FAM161B: variants seen among roughly 807,000 people sequenced by gnomAD.
The protein encoded by FAM161B is protein FAM161B.
In FAM161B, 46 loss-of-function variants were observed where a neutral mutation model predicts 61.5. The observed-to-expected ratio is 0.75, with a 90% CI of 0.59 to 0.96. FAM161B has a LOEUF of 0.96. Ranked by LOEUF, FAM161B falls within the 40% of genes least tolerant of loss-of-function variation. The pLI is 0.00. For synonymous variants in FAM161B, 284 were observed against 302.7 expected (o/e 0.94, Z 0.64); for missense variants, 774 against 800.7 (o/e 0.97, Z 0.40).
intron 3 of FAM161B, among the ~76,000 whole-genome samples, chr14:73,942,957 T>C (rs1195049137): frequency 6.6e-6 from 1 of 151,954 alleles, no homozygotes; most frequent in Non-Finnish European, 1.5e-5. Flanking sequence ...CTGGAGAGCT[T>C]GTTAATAAAT....
At chr14:73,928,547 C>T (rs2055867377), downstream of FAM161B, among the ~76,000 whole-genome samples, 2 of 152,064 alleles carry the variant, frequency 1.3e-5, no homozygotes, top group African/African-American at 4.8e-5. Context: ...ACATTTGTTC[C>T]CTAGAACCTA....
chr14:73,937,012 C>T (rs1185529949), intron 7 of FAM161B, among the ~76,000 whole-genome samples: 6 of 152,104 alleles, frequency 3.9e-5, no homozygotes, highest in African/African-American at 7.2e-5. Flanking sequence ...CAGGATACTT[C>T]GGGTACACTG....
At chr14:73,930,231 C>G (rs1252049616), downstream of FAM161B, among the ~76,000 whole-genome samples, 1 of 152,190 alleles carries the variant, frequency 6.6e-6, no homozygotes, top group Non-Finnish European at 1.5e-5. Context: ...ACTTTCCTGC[C>G]ACACAGCATC....
the FAM161B span, chr14:73,924,849 T>G: frequency 3.0e-6 from 1 of 332,112 alleles, no homozygotes; most frequent in South Asian, 2.2e-5. Flanking sequence ...GCTAATTTTT[T>G]TGTATTTTTA....
chr14:73,931,503 T>C (rs1293772409), downstream of FAM161B: 4 of 1,606,602 alleles, frequency 2.5e-6, no homozygotes, highest in Non-Finnish European at 2.5e-6. Flanking sequence ...TCTTTTACAG[T>C]TACTAAACCA....
the FAM161B span, chr14:73,923,439 G>T: frequency 6.2e-7 from 1 of 1,614,060 alleles, no homozygotes; most frequent in Non-Finnish European, 8.5e-7. Flanking sequence ...TTCAGTGCCT[G>T]ATGTGACACA....
chr14:73,923,943 T>C, the FAM161B span, among the ~76,000 whole-genome samples: 4 of 152,170 alleles, frequency 2.6e-5, no homozygotes, highest in Non-Finnish European at 5.9e-5. Context: ...AGCAAGTATT[T>C]CCTAGAGATC....
chr14:73,925,192 G>C, the FAM161B span, among the ~76,000 whole-genome samples: 1 of 152,088 alleles, frequency 6.6e-6, no homozygotes, highest in African/African-American at 2.4e-5. Context: ...TTTTGATCTT[G>C]ATATCATTGG....
the FAM161B span, chr14:73,923,328 T>G: frequency 6.5e-7 from 1 of 1,539,526 alleles, no homozygotes; most frequent in Non-Finnish European, 8.8e-7. Context: ...AATGAGAGGC[T>G]TAATGATCCA....
Position 73,946,615 on chromosome 14 carries a change from A to T in FAM161B, c.55-10T>A. On this transcript the variant is annotated splice_polypyrimidine_tract_variant and intron_variant, in intron 1 of 8. Coordinates refer to ENST00000286544, the MANE Select transcript of FAM161B (RefSeq NM_152445.3). Reference sequence around the variant, plus strand: ...ACTCGGGGGGAAATATCTAAAATAGAATAGAAATAGGCTGTGGGTCAAACA... The same window carrying T: ...ACTCGGGGGGAAATATCTAAAATAGTATAGAAATAGGCTGTGGGTCAAACA... 7.5e-6 allele frequency: 12 copies of T among 1,609,088 alleles called. No individual in the cohort carries two copies. The highest frequency in any genetic ancestry group is 1.0e-5 in the Non-Finnish European group (12 of 1,176,554).
downstream of FAM161B, chr14:73,927,832 ATT>A (rs11461357): frequency 5.2e-4 from 74 of 143,430 alleles, no homozygotes; most frequent in South Asian, 1.4e-3. Flanking sequence ...TCAACCGGCA[ATT>A]TTTTTTTTTT....
chr14:73,927,103 T>TTTTA, downstream of FAM161B: 1 of 164,806 alleles, frequency 6.1e-6, no homozygotes, highest in Non-Finnish European at 1.3e-5. Flanking sequence ...TTTTTTTTTT[T>TTTTA]GAGGTGGAGT....
chr14:73,942,348 C>T, intron 4 of FAM161B, 21 bp downstream of exon 4: 1 of 1,609,182 alleles, frequency 6.2e-7, no homozygotes, highest in East Asian at 2.2e-5. Context: ...CTGACCCTCC[C>T]ACAGCTGCCT....
the FAM161B span, chr14:73,922,919 C>A: frequency 6.6e-6 from 1 of 152,288 alleles, no homozygotes; most frequent in African/African-American, 2.4e-5. Context: ...GAAGAAACTT[C>A]TAGTTTTTTG....
At chr14:73,930,002 A>T (rs1349683001), downstream of FAM161B, among the ~76,000 whole-genome samples, 1 of 152,190 alleles carries the variant, frequency 6.6e-6, no homozygotes, top group African/African-American at 2.4e-5. Flanking sequence ...ACTAAAGGTC[A>T]TTCTAAATGG....
At chr14:73,946,711 G>C in intron 1 of FAM161B, 106 bp from the exon 2 acceptor site, 1 of 1,203,640 alleles carries the variant, frequency 8.3e-7, no homozygotes, top group South Asian at 1.5e-5. Flanking sequence ...AGGGACTGGG[G>C]AGAATTTGGG....
Position 73,935,976 on chromosome 14 carries a change from T to C in FAM161B, c.1778A>G (p.Lys593Arg), listed in dbSNP as rs770234707. 2.5e-6 allele frequency: 4 copies of C among 1,611,528 alleles called. No homozygotes were observed. In the South Asian group the frequency reaches 3.3e-5, roughly 13 times the overall value. ...GGGAAAATCCTTGATTTTGGTCTCT[T>C]TCTCTTGAACAGCCCGGGTGCCTTG... ...KGQGTRAVQE[K>R]ETKIKDFPRF... The change falls in exon 8 of 9, where the codon AAA becomes AGA. Residue 593 changes from lysine (K) to arginine (R), a missense_variant. Lys to Arg is a conservative substitution (Grantham distance 26). Coordinates refer to ENST00000286544, the MANE Select transcript of FAM161B (RefSeq NM_152445.3).
Position 73,938,082 on chromosome 14 carries a change from A to G in FAM161B, c.1431T>C (p.Asp477=), listed in dbSNP as rs1056257198. 1 of 1,612,484 alleles carries G rather than the reference A, an allele frequency of 6.2e-7. No homozygotes were observed. The highest frequency in any genetic ancestry group is 1.3e-5 in the African/African-American group (1 of 74,814). Residue 477 remains aspartate (D), a synonymous_variant, in exon 6 of 9, where the codon GAT becomes GAC. Transcript: ENST00000286544. ...RSALEKKNKA[D]ESIQWLEIHK... is the part of the protein sequence containing the mutation. Reference sequence around the variant, plus strand: ...GTATCTCCAGCCACTGAATACTCTCATCTGCTTTGTTCTTTTTTTCAAGTG... The same window carrying G: ...GTATCTCCAGCCACTGAATACTCTCGTCTGCTTTGTTCTTTTTTTCAAGTG...
the FAM161B span, chr14:73,924,868 A>AG: frequency 9.0e-6 from 3 of 332,206 alleles, no homozygotes; most frequent in Non-Finnish European, 1.8e-5. Flanking sequence ...TAGTAGAGAC[A>AG]GGGTTTCACC....
Sources: gnomAD v4.1 joint callset for allele counts (sites outside exome capture counted in the v4.1 genomes callset) on GRCh38, gnomAD v4.1.1 for gene constraint, MANE v1.5 for transcripts, NCBI Gene and HGNC (gene_info 2026-07-23, HGNC 2026-07-21) for gene names.